LARP4B: variants seen among roughly 807,000 people sequenced by gnomAD.
LARP4B encodes the protein la-related protein 4B.
LARP4B carries 12 observed loss-of-function variants against 89.8 expected under a neutral mutation model. The observed-to-expected ratio is 0.13, with a 90% CI of 0.09 to 0.22. The LOEUF is 0.22. LARP4B is among the 10% of genes least tolerant of loss of function. The probability of loss-of-function intolerance (pLI) is 1.00; values close to 1 mark genes in which losing one functional copy is unlikely to be tolerated. For synonymous variants in LARP4B, 367 were observed against 363.3 expected (o/e 1.01, Z -0.12); for missense variants, 757 against 947.7 (o/e 0.80, Z 2.64).
chr10:885,888 G>A, intron 1 of LARP4B, 128 bp from the exon 2 acceptor site: 1 of 516,104 alleles, frequency 1.9e-6, no homozygotes, highest in Non-Finnish European at 3.4e-6. Flanking sequence ...GTTTAAAGAA[G>A]TCTTCCCATA....
chr10:938,688 A>G, the LARP4B span, among the ~76,000 whole-genome samples: 1 of 152,222 alleles, frequency 6.6e-6, no homozygotes, highest in Non-Finnish European at 1.5e-5. Context: ...ACACACACAT[A>G]TGAATGTGTG....
the LARP4B span, chr10:971,575 G>A: frequency 6.6e-6 from 1 of 152,112 alleles, no homozygotes; most frequent in African/African-American, 2.4e-5. Flanking sequence ...TCTGTTTTCG[G>A]CCACGGCAGA....
chr10:897,223 T>C (rs1276963538), intron 1 of LARP4B, among the ~76,000 whole-genome samples: 2 of 152,178 alleles, frequency 1.3e-5, no homozygotes, highest in Non-Finnish European at 2.9e-5. Context: ...AAAGAAACCG[T>C]TACATTTATA....
intron 1 of LARP4B, among the ~76,000 whole-genome samples, chr10:912,906 A>T (rs1326714864): frequency 6.6e-6 from 1 of 152,124 alleles, no homozygotes; most frequent in Non-Finnish European, 1.5e-5. Flanking sequence ...TTAGCTAGCT[A>T]TCCTGAACCT....
At chr10:888,614 T>G (rs1273046103) in intron 1 of LARP4B, among the ~76,000 whole-genome samples, 5 of 152,150 alleles carry the variant, frequency 3.3e-5, no homozygotes, top group African/African-American at 1.2e-4. Context: ...GACCCAAAAC[T>G]CCTTCTAATA....
intron 1 of LARP4B, among the ~76,000 whole-genome samples, chr10:892,338 T>G (rs1019879939): frequency 6.6e-6 from 1 of 152,232 alleles, no homozygotes; most frequent in African/African-American, 2.4e-5. Context: ...TTTATCAACC[T>G]TGTTCAACAC....
intron 1 of LARP4B, among the ~76,000 whole-genome samples, chr10:907,161 C>A (rs118031362): frequency 6.6e-6 from 1 of 152,152 alleles, no homozygotes; most frequent in South Asian, 2.1e-4. Flanking sequence ...TTTTATCACT[C>A]GGAGGTCAGA....
At chr10:888,349 A>AC (rs1554804778) in intron 1 of LARP4B, among the ~76,000 whole-genome samples, 3,577 of 151,000 alleles carry the variant, frequency 0.024, 58 homozygotes, top group Non-Finnish European at 0.039. Context: ...AAAAAAAAAA[A>AC]ACACACACAC....
At chr10:899,055 T>C (rs1336112670) in intron 1 of LARP4B, among the ~76,000 whole-genome samples, 1 of 152,224 alleles carries the variant, frequency 6.6e-6, no homozygotes, top group Non-Finnish European at 1.5e-5. Context: ...ACTGCACCAA[T>C]GTACAGATCA....
At chr10:870,353 C>A (rs562007498) in intron 3 of LARP4B, among the ~76,000 whole-genome samples, 1 of 152,316 alleles carries the variant, frequency 6.6e-6, no homozygotes, top group Non-Finnish European at 1.5e-5. Context: ...ATTTAGGACA[C>A]CTTCTGTGAG....
At chr10:958,858 G>C in the LARP4B span, among the ~76,000 whole-genome samples, 1 of 152,240 alleles carries the variant, frequency 6.6e-6, no homozygotes, top group African/African-American at 2.4e-5. Context: ...TGGACTTAAA[G>C]TACTTATCAG....
At chr10:845,154 C>G (rs1007194143) in intron 5 of LARP4B, 99 bp from the exon 6 acceptor site, 2 of 778,584 alleles carry the variant, frequency 2.6e-6, no homozygotes, top group Non-Finnish European at 4.2e-6. Flanking sequence ...TACGTTCTGA[C>G]ACAACTACGT....
the LARP4B span, chr10:988,289 C>A: frequency 2.9e-5 from 17 of 587,018 alleles, no homozygotes; most frequent in Middle Eastern, 1.8e-3. Flanking sequence ...CCCTCACACG[C>A]CCTCCGTGGC....
chr10:905,431 T>C (rs1836462669), intron 1 of LARP4B, among the ~76,000 whole-genome samples: 1 of 152,224 alleles, frequency 6.6e-6, no homozygotes, highest in African/African-American at 2.4e-5. Context: ...TAATCCTATA[T>C]AGCTCTTGAA....
chr10:860,945 G>A (rs1213462774), intron 5 of LARP4B, among the ~76,000 whole-genome samples: 2 of 152,048 alleles, frequency 1.3e-5, no homozygotes, highest in African/African-American at 2.4e-5. Flanking sequence ...TCATGAGGTC[G>A]GGAGATCAAG....
intron 3 of LARP4B, among the ~76,000 whole-genome samples, chr10:870,763 A>C (rs1835160046): frequency 6.6e-6 from 1 of 152,226 alleles, no homozygotes; most frequent in South Asian, 2.1e-4. Flanking sequence ...TATTATTACC[A>C]AAGATACCAG....
At chr10:949,927 C>T in the LARP4B span, among the ~76,000 whole-genome samples, 1 of 152,158 alleles carries the variant, frequency 6.6e-6, no homozygotes. Context: ...AGGTGCGTGC[C>T]ACCACGCCCA....
At chr10:949,275 G>A in the LARP4B span, among the ~76,000 whole-genome samples, 8 of 147,122 alleles carry the variant, frequency 5.4e-5, no homozygotes, top group Admixed American at 1.4e-4. Context: ...TCTCCAACCC[G>A]TTTTCCAGGC....
chr10:815,998 G>C (rs1472941172), intron 15 of LARP4B, among the ~76,000 whole-genome samples: 1 of 152,260 alleles, frequency 6.6e-6, no homozygotes, highest in Non-Finnish European at 1.5e-5. Context: ...GGAGGCTGAG[G>C]TGGACGAATC....
Sources: allele counts gnomAD v4.1 joint callset (sites outside exome capture counted in the v4.1 genomes callset), GRCh38; gene constraint gnomAD v4.1.1; transcripts MANE v1.5; gene names NCBI Gene and HGNC (gene_info 2026-07-23, HGNC 2026-07-21).